OTUD7A: variants seen among roughly 807,000 people sequenced by gnomAD.
OTUD7A encodes the protein OTU domain-containing protein 7A.
A neutral mutation model predicts 65.7 loss-of-function variants in OTUD7A; 12 were observed. The observed-to-expected ratio is 0.18, with a 90% CI of 0.12 to 0.30. OTUD7A has a LOEUF of 0.30. Ranked by LOEUF, OTUD7A falls within the 10% of genes least tolerant of loss-of-function variation. OTUD7A has a pLI of 1.00. For synonymous variants in OTUD7A, 641 were observed against 586.3 expected (o/e 1.09, Z -1.35); for missense variants, 1,148 against 1,304.8 (o/e 0.88, Z 1.85).
At chr15:31,507,012 T>C (rs1214652736) in intron 8 of OTUD7A, among the ~76,000 whole-genome samples, 1 of 152,224 alleles carries the variant, frequency 6.6e-6, no homozygotes, top group Non-Finnish European at 1.5e-5. Flanking sequence ...GTGAATGGAA[T>C]ATTTTAGCTA....
At chr15:31,663,516 T>C (rs1370677930) in intron 1 of OTUD7A, among the ~76,000 whole-genome samples, 1 of 145,644 alleles carries the variant, frequency 6.9e-6, no homozygotes, top group African/African-American at 2.5e-5. Context: ...CTCTCACTTA[T>C]AAGTGAGAAC....
At chr15:31,549,135 C>CAA (rs568463366) in intron 5 of OTUD7A, among the ~76,000 whole-genome samples, 55 of 64,920 alleles carry the variant, frequency 8.5e-4, no homozygotes, top group East Asian at 4.8e-3. Context: ...GGCCTTGTCT[C>CAA]AAAAAAAAAA....
chr15:31,654,655 G>A (rs1475971520), intron 3 of OTUD7A, among the ~76,000 whole-genome samples: 1 of 152,142 alleles, frequency 6.6e-6, no homozygotes, highest in Non-Finnish European at 1.5e-5. Flanking sequence ...CTATGGTTAT[G>A]GCTGAATACA....
chr15:31,523,480 G>A (rs561379354), intron 8 of OTUD7A, among the ~76,000 whole-genome samples: 28 of 152,116 alleles, frequency 1.8e-4, no homozygotes, highest in Non-Finnish European at 3.5e-4. Flanking sequence ...CTGACTACTC[G>A]TGTCCACCCT....
intron 3 of OTUD7A, among the ~76,000 whole-genome samples, chr15:31,618,386 G>C (rs1342184951): frequency 6.6e-6 from 1 of 152,180 alleles, no homozygotes; most frequent in African/African-American, 2.4e-5. Flanking sequence ...CTAGTTTACA[G>C]TCCAACCAAC....
At chr15:31,772,398 A>C (rs1262652980) in intron 1 of OTUD7A, among the ~76,000 whole-genome samples, 4 of 152,136 alleles carry the variant, frequency 2.6e-5, no homozygotes, top group Admixed American at 2.6e-4. Context: ...ATAATCCCTG[A>C]CAGATAGTTG....
At chr15:31,798,338 T>C (rs752212010) in intron 1 of OTUD7A, among the ~76,000 whole-genome samples, 3 of 152,146 alleles carry the variant, frequency 2.0e-5, no homozygotes, top group Non-Finnish European at 4.4e-5. Flanking sequence ...CTGTCCTGCA[T>C]ACAGTTCAAT....
chr15:31,791,053 A>C (rs993801919), intron 1 of OTUD7A, among the ~76,000 whole-genome samples: 1 of 152,022 alleles, frequency 6.6e-6, no homozygotes, highest in South Asian at 2.1e-4. Context: ...TTTGAGACGG[A>C]GTCTTGTTCT....
In OTUD7A at chr15:31,769,656, CACA is replaced by C. The variant is rs768583884; in HGVS notation, c.-100+100848_-100+100850del. On this transcript the variant is annotated intron_variant, in intron 1 of 12. Transcript: ENST00000307050. ...AAAAAGGAATTAACTATTGATTTCA[CACA>C]ACAAGGATAAATCTCAAATCTGCTA... Among the ~76,000 whole-genome samples, 8 of 152,190 alleles carry C rather than the reference CACA, an allele frequency of 5.3e-5. No homozygotes were observed. In the South Asian group the frequency reaches 8.3e-4, roughly 16 times the overall value.
Position 31,816,908 on chromosome 15 carries a change from G to A in OTUD7A, c.-100+53599C>T, listed in dbSNP as rs948122847. On this transcript the variant is annotated intron_variant, in intron 1 of 12. Coordinates refer to ENST00000307050, the MANE Select transcript of OTUD7A (RefSeq NM_001382637.1). ...GGGCACTTGAGAGGGGATATGAACC[G>A]CAAGAAGGTGTCTGTCATGTGACGG... 7.2e-5 allele frequency among the ~76,000 whole-genome samples: 11 copies of A among 152,282 alleles called. 1 individual carries two copies. Among genetic ancestry groups the A allele is most frequent in the African/African-American group, 2.4e-4 (10 of 41,548 alleles).
intron 1 of OTUD7A, among the ~76,000 whole-genome samples, chr15:31,776,365 C>T (rs551706575): frequency 9.3e-4 from 141 of 152,306 alleles, no homozygotes; most frequent in African/African-American, 3.2e-3. Flanking sequence ...GGTCTTCTTG[C>T]TCAGTGTATT....
At chr15:31,640,521 C>T (rs537668134) in intron 3 of OTUD7A, among the ~76,000 whole-genome samples, 1 of 152,196 alleles carries the variant, frequency 6.6e-6, no homozygotes, top group Admixed American at 6.5e-5. Context: ...GTAATTTTTG[C>T]ATATGAGTGA....
chr15:31,710,860 G>A (rs975062427), intron 1 of OTUD7A, among the ~76,000 whole-genome samples: 4 of 152,112 alleles, frequency 2.6e-5, no homozygotes, highest in African/African-American at 9.7e-5. Flanking sequence ...GGGCCCCCAG[G>A]CCACAAACTT....
intron 3 of OTUD7A, among the ~76,000 whole-genome samples, chr15:31,590,396 A>G (rs971169687): frequency 6.6e-6 from 1 of 152,176 alleles, no homozygotes; most frequent in African/African-American, 2.4e-5. Flanking sequence ...TGTGTTTATT[A>G]TTGTATATGT....
chr15:31,860,641 A>ATAG (rs1897698817), intron 1 of OTUD7A, among the ~76,000 whole-genome samples: 1 of 77,748 alleles, frequency 1.3e-5, no homozygotes, highest in African/African-American at 4.0e-5. Flanking sequence ...ATATATATAT[A>ATAG]TATGTATGTA....
chr15:31,517,772 A>C (rs1236295481), intron 8 of OTUD7A, among the ~76,000 whole-genome samples: 2 of 152,206 alleles, frequency 1.3e-5, no homozygotes, highest in East Asian at 3.9e-4. Context: ...TGGCAGGACC[A>C]AGAAGCAAAG....
chr15:31,731,164 CCTT>C (rs1316601998), intron 1 of OTUD7A, among the ~76,000 whole-genome samples: 12 of 152,130 alleles, frequency 7.9e-5, no homozygotes, highest in Non-Finnish European at 1.5e-4. Flanking sequence ...TGCATTTTCT[CCTT>C]CTCTAAAGGG....
chr15:31,624,576 A>G (rs1005274953), intron 3 of OTUD7A, among the ~76,000 whole-genome samples: 19 of 152,234 alleles, frequency 1.2e-4, no homozygotes, highest in African/African-American at 4.3e-4. Context: ...TGAAGGGCAT[A>G]AAATTGCATT....
At chr15:31,546,452 A>T (rs1888133093) in intron 5 of OTUD7A, among the ~76,000 whole-genome samples, 1 of 152,224 alleles carries the variant, frequency 6.6e-6, no homozygotes, top group Non-Finnish European at 1.5e-5. Context: ...TCCCAGAATT[A>T]GTGTTTGTAT....
Sources: gnomAD v4.1 joint callset for allele counts (sites outside exome capture counted in the v4.1 genomes callset) on GRCh38, gnomAD v4.1.1 for gene constraint, MANE v1.5 for transcripts, NCBI Gene and HGNC (gene_info 2026-07-23, HGNC 2026-07-21) for gene names.